NEXN: variants seen among roughly 807,000 people sequenced by gnomAD.
NEXN encodes the protein nexilin.
A neutral mutation model predicts 92.6 loss-of-function variants in NEXN; 65 were observed. The observed-to-expected ratio is 0.70, with a 90% CI of 0.57 to 0.86. The LOEUF (loss-of-function observed/expected upper bound fraction) is 0.86. Among genes scored for constraint, NEXN ranks in the 40% least tolerant of loss-of-function variants. The pLI is 0.00. For missense variants in NEXN, 778 were observed against 771.1 expected, an observed-to-expected ratio of 1.01 and a Z score of -0.11; for synonymous variants, 254 against 242.5, an observed-to-expected ratio of 1.05 and a Z score of -0.44.
intron 5 of NEXN, among the ~76,000 whole-genome samples, chr1:77,923,797 C>T (rs1181638704): frequency 6.6e-6 from 1 of 151,584 alleles, no homozygotes; most frequent in Non-Finnish European, 1.5e-5. Flanking sequence ...CCTGCACCAG[C>T]CTCCCGAGTA....
intron 9 of NEXN, among the ~76,000 whole-genome samples, chr1:77,930,335 T>C (rs146301753): frequency 4.9e-4 from 74 of 152,302 alleles, no homozygotes; most frequent in Middle Eastern, 3.4e-3. Flanking sequence ...AAGTCTCGTT[T>C]ATTCTACCTC....
Position 77,942,924 on chromosome 1 carries a change from C to T in NEXN, c.*95C>T, listed in dbSNP as rs1484294303. ...GCTGATGACTACTAGCTCCCCTCCC[C>T]TCTCCCTGGAACTTTCTCTTTCACT... On this transcript the variant is annotated 3_prime_UTR_variant, in exon 13 of 13. Transcript: ENST00000334785. The T allele has an allele frequency of 1.4e-6, 2 of 1,473,280 alleles. No individual in the cohort carries two copies. The highest frequency in any genetic ancestry group is 1.9e-6 in the Non-Finnish European group (2 of 1,080,648). The allele number at this position is 1,473,280 out of a possible 1,614,324, so 91.3% of individuals were successfully genotyped here.
intron 1 of NEXN, among the ~76,000 whole-genome samples, chr1:77,914,849 CT>C: frequency 6.9e-6 from 1 of 145,112 alleles, no homozygotes; most frequent in African/African-American, 2.6e-5. Context: ...AAGAGCGAAA[CT>C]ACGTCTCAAA....
intron 10 of NEXN, among the ~76,000 whole-genome samples, chr1:77,935,200 G>T (rs1368577097): frequency 6.6e-6 from 1 of 152,116 alleles, no homozygotes; most frequent in Non-Finnish European, 1.5e-5. Context: ...ACCATGCCCG[G>T]CTAATTTTTG....
At chr1:77,911,553 T>C (rs1408699998) in intron 1 of NEXN, among the ~76,000 whole-genome samples, 2 of 151,592 alleles carry the variant, frequency 1.3e-5, no homozygotes, top group South Asian at 2.1e-4. Context: ...GATTGCACCA[T>C]TGCACTCCAG....
At position 77,926,405 on chromosome 1, in the gene NEXN, A is replaced by G; in HGVS notation, c.490-9A>G. ...AAGAAATAGGCTAATTATCTATTTT[A>G]TAAAATAGGAAGGAGATGATTCACT... is the stretch of plus-strand genomic sequence containing the variant. On this transcript the variant is annotated splice_polypyrimidine_tract_variant and intron_variant, in intron 6 of 12. Transcript: ENST00000334785. 1.3e-6 allele frequency: 2 copies of G among 1,572,374 alleles called. No homozygotes were observed. Among genetic ancestry groups the G allele is most frequent in the Non-Finnish European group, 1.7e-6 (2 of 1,147,808 alleles).
intron 1 of NEXN, among the ~76,000 whole-genome samples, chr1:77,907,019 A>G (rs1648165914): frequency 6.6e-6 from 1 of 152,316 alleles, no homozygotes; most frequent in Non-Finnish European, 1.5e-5. Flanking sequence ...ATAAATGACA[A>G]TGCTTGTTAA....
At chr1:77,907,787 GATTA>G (rs1205032030) in intron 1 of NEXN, among the ~76,000 whole-genome samples, 21 of 152,220 alleles carry the variant, frequency 1.4e-4, no homozygotes, top group African/African-American at 5.1e-4. Context: ...ATTCTTGACA[GATTA>G]ATTATTCACT....
rs1649086653 is a variant in NEXN at position 77,917,705 on chromosome 1, G to C, written c.167G>C (p.Arg56Thr). Residue 56 changes from arginine to threonine, a missense_variant, in exon 3 of 13, where the codon AGA (arginine) becomes ACA (threonine). Transcript: ENST00000334785. Reference protein sequence around the residue: ...NQRRSRDEKQRRKEQYIRERE... With the variant: ...NQRRSRDEKQTRKEQYIRERE... ...AGGAGATCTAGAGACGAAAAACAAA[G>C]AAGAAAAGAACAATATATTAGAGAG... 2 of 1,611,740 alleles carry C rather than the reference G, an allele frequency of 1.2e-6. No homozygotes were observed. Among genetic ancestry groups the C allele is most frequent in the Non-Finnish European group, 1.7e-6 (2 of 1,178,496 alleles).
At chr1:77,890,989 A>T (rs1357287960) in intron 1 of NEXN, among the ~76,000 whole-genome samples, 2 of 152,188 alleles carry the variant, frequency 1.3e-5, no homozygotes, top group African/African-American at 4.8e-5. Context: ...GTTCTTATTT[A>T]ATCAATCTGC....
intron 1 of NEXN, among the ~76,000 whole-genome samples, chr1:77,906,799 G>C (rs761544679): frequency 2.0e-5 from 3 of 151,830 alleles, no homozygotes; most frequent in Non-Finnish European, 4.4e-5. Context: ...GGACTACAGG[G>C]ACATGCCACC....
chr1:77,937,345 A>G (rs149008741), intron 11 of NEXN, among the ~76,000 whole-genome samples: 2 of 152,110 alleles, frequency 1.3e-5, no homozygotes, highest in East Asian at 1.9e-4. Context: ...GATATTGTCT[A>G]TATAGCTGGA....
At chr1:77,902,771 G>A (rs1647824088) in intron 1 of NEXN, among the ~76,000 whole-genome samples, 1 of 152,122 alleles carries the variant, frequency 6.6e-6, no homozygotes, top group East Asian at 1.9e-4. Context: ...ATATAAAAAT[G>A]TTTAAAGTTT....
chr1:77,941,934 T>C, intron 11 of NEXN, 89 bp from the exon 12 acceptor site: 1 of 1,296,730 alleles, frequency 7.7e-7, no homozygotes, highest in South Asian at 1.3e-5. Flanking sequence ...ATGTTAATCA[T>C]TTTGTGCTTC....
In NEXN at chr1:77,933,349, T is replaced by G; in HGVS notation, c.1121T>G (p.Leu374Arg). The G allele has an allele frequency of 6.2e-6, 10 of 1,610,688 alleles. No homozygotes were observed. The highest frequency in any genetic ancestry group is 8.5e-6 in the Non-Finnish European group (10 of 1,178,054). ...CAAGAATTTCTTACACCGGGAAAAC[T>G]GGAAATTAATTTTGAAGAATTATTA... ...ISQEFLTPGK[L>R]EINFEELLKQ... The change falls in exon 10 of 13, where the codon CTG becomes CGG. Residue 374 changes from leucine to arginine, a missense_variant. Physicochemically the swap from Leu to Arg is moderately radical, Grantham distance 102 (BLOSUM62 -2). Around this residue, in one of 3 missense-constraint regions of NEXN, gnomAD observed 532 missense variants for 476.7 expected, o/e 1.12. Coordinates refer to ENST00000334785, the MANE Select transcript of NEXN (RefSeq NM_144573.4).
Position 77,909,480 on chromosome 1 carries a change from T to C in NEXN, c.-52-6575T>C, listed in dbSNP as rs182154282. Among the ~76,000 whole-genome samples the C allele has an allele frequency of 5.9e-4, 90 of 152,286 alleles. 3 individuals carry two copies. The highest frequency in any genetic ancestry group is 2.1e-3 in the African/African-American group (88 of 41,548). On this transcript the variant is annotated intron_variant, in intron 1 of 12. Transcript: ENST00000334785. ...CTAACAGGTAACTTTAGATATGATA[T>C]AATGGCTCAAGTAAGACAACAGGAC...
chr1:77,925,237 G>T lies in NEXN; in HGVS notation c.489+8G>T. On this transcript the variant is annotated splice_region_variant and intron_variant, in intron 6 of 12. Coordinates refer to ENST00000334785, the MANE Select transcript of NEXN (RefSeq NM_144573.4). ...ACTGAATCAGCATCAGAGGTAAACA[G>T]ACATTTCCTTTAATGAAACATTCAC... The T allele has an allele frequency of 6.3e-7, 1 of 1,586,634 alleles. No individual in the cohort carries two copies. Among genetic ancestry groups the T allele is most frequent in the Non-Finnish European group, 8.6e-7 (1 of 1,157,238 alleles).
intron 8 of NEXN, 112 bp downstream of exon 8, chr1:77,927,004 C>A: frequency 7.5e-7 from 1 of 1,324,752 alleles, no homozygotes; most frequent in Non-Finnish European, 1.1e-6. Flanking sequence ...GGCTGATTTT[C>A]TAATTGTATT....
At position 77,942,855 on chromosome 1, in the gene NEXN, T is replaced by C. The variant is rs765694574; in HGVS notation, c.*26T>C. 22 of 1,574,580 alleles carry C rather than the reference T, an allele frequency of 1.4e-5. No homozygotes were observed. The South Asian group carries it at 2.5e-4, about 18-fold the overall frequency. On this transcript the variant is annotated 3_prime_UTR_variant, in exon 13 of 13. Coordinates refer to ENST00000334785, the MANE Select transcript of NEXN (RefSeq NM_144573.4). ...TCACTCTTTTTATCTTTTATTCTAT[T>C]AATTTTTTTTTCCTTAAAATCACTT...
Sources: gnomAD v4.1 joint callset for allele counts (sites outside exome capture counted in the v4.1 genomes callset) on GRCh38, gnomAD v4.1.1 for gene constraint, gnomAD v4.1.1 regional missense constraint, MANE v1.5 for transcripts, NCBI Gene and HGNC (gene_info 2026-07-23, HGNC 2026-07-21) for gene names.